The following METTL25 variants were observed in gnomAD, a reference collection of about 807,000 sequenced individuals.
METTL25 encodes the protein probable methyltransferase-like protein 25.
METTL25 carries 64 observed loss-of-function variants against 71.6 expected under a neutral mutation model. The observed-to-expected ratio is 0.89, with a 90% CI of 0.73 to 1.10. The LOEUF (loss-of-function observed/expected upper bound fraction) is 1.10, where lower values mean the gene tolerates loss of function less well. Ranked by LOEUF, METTL25 falls within the 50% of genes least tolerant of loss-of-function variation. The pLI, the probability that METTL25 is intolerant of heterozygous loss-of-function variation, is 0.00. For missense variants in METTL25, 807 were observed against 707.0 expected, an observed-to-expected ratio of 1.14 and a Z score of -1.60; for synonymous variants, 287 against 250.3, an observed-to-expected ratio of 1.15 and a Z score of -1.38.
intron 5 of METTL25, among the ~76,000 whole-genome samples, chr12:82,408,280 A>G (rs17775025): frequency 6.6e-6 from 1 of 152,246 alleles, no homozygotes; most frequent in African/African-American, 2.4e-5. Context: ...GTCAAGTGCC[A>G]GTTTGCGGAT....
chr12:82,390,797 A>G lies in METTL25; in HGVS notation c.531+875A>G, dbSNP rs567441210. Among the ~76,000 whole-genome samples, 19 of 152,208 alleles carry G rather than the reference A, an allele frequency of 1.2e-4. No homozygotes were observed. The South Asian group carries it at 3.9e-3, about 31-fold the overall frequency. ...TACCTAAGCAATATCTGTCAGTACCAGTAACAGCCTTATGGCAATGATACT... is the reference window on the plus strand; with the variant it reads ...TACCTAAGCAATATCTGTCAGTACCGGTAACAGCCTTATGGCAATGATACT... On this transcript the variant is annotated intron_variant, in intron 3 of 11. Transcript: ENST00000248306.
intron 3 of METTL25, among the ~76,000 whole-genome samples, chr12:82,397,910 A>G (rs1331401151): frequency 6.6e-6 from 1 of 151,976 alleles, no homozygotes; most frequent in Admixed American, 6.6e-5. Context: ...AGTCAGTAAA[A>G]TTCTTCAACC....
At chr12:82,451,650 C>G (rs1246768770) in intron 8 of METTL25, among the ~76,000 whole-genome samples, 1 of 152,138 alleles carries the variant, frequency 6.6e-6, no homozygotes, top group Admixed American at 6.6e-5. Flanking sequence ...TTTTGTGGAG[C>G]CCACTCTGAA....
chr12:82,474,742 C>T (rs1892784266), intron 9 of METTL25, among the ~76,000 whole-genome samples: 1 of 152,018 alleles, frequency 6.6e-6, no homozygotes, highest in Non-Finnish European at 1.5e-5. Context: ...CTTAAAACAA[C>T]AAACTTTTTT....
intron 1 of METTL25, 59 bp downstream of exon 1, chr12:82,358,883 A>C: frequency 1.3e-6 from 2 of 1,541,714 alleles, no homozygotes; most frequent in Non-Finnish European, 8.8e-7. Context: ...CCGGCAGACG[A>C]AGCGAGCCCC....
chr12:82,478,176 A>G (rs566991186), intron 11 of METTL25, among the ~76,000 whole-genome samples: 1 of 151,812 alleles, frequency 6.6e-6, no homozygotes, highest in Non-Finnish European at 1.5e-5. Flanking sequence ...TTCCTAAGTT[A>G]GTGGGTGATA....
intron 8 of METTL25, 194 bp downstream of exon 8, chr12:82,438,985 C>T (rs1890132598): frequency 8.2e-6 from 3 of 367,904 alleles, no homozygotes; most frequent in Non-Finnish European, 9.6e-6. Flanking sequence ...CTAATGATTC[C>T]TTCTTGTCCT....
intron 3 of METTL25, among the ~76,000 whole-genome samples, chr12:82,397,674 C>G (rs1281612413): frequency 3.3e-5 from 5 of 151,748 alleles, no homozygotes; most frequent in Non-Finnish European, 7.4e-5. Context: ...CCAGTTATAC[C>G]AGCACCATTT....
At chr12:82,429,642 A>G (rs994799581) in intron 5 of METTL25, among the ~76,000 whole-genome samples, 1 of 151,646 alleles carries the variant, frequency 6.6e-6, no homozygotes, top group Non-Finnish European at 1.5e-5. Flanking sequence ...GCTGTTTTTC[A>G]TATGGCTAGC....
rs1456481608 is a variant in METTL25, at chr12:82,389,770, T to C, written c.425-46T>C. On this transcript the variant is annotated intron_variant, in intron 2 of 11. Coordinates refer to ENST00000248306, the MANE Select transcript of METTL25 (RefSeq NM_032230.3). ...TGAACATCTAACTGATAATTCCTACTAAATTTTGATTCTTTAATAGCAGTT... is the reference window on the plus strand; with the variant it reads ...TGAACATCTAACTGATAATTCCTACCAAATTTTGATTCTTTAATAGCAGTT... 6 of 1,116,862 alleles carry C rather than the reference T, an allele frequency of 5.4e-6. No homozygotes were observed. In the Admixed American group the frequency reaches 7.4e-5, roughly 14 times the overall value. The allele number at this position is 1,116,862 out of a possible 1,614,324, so 69.2% of individuals were successfully genotyped here. A position where few individuals can be genotyped will look rare whatever the true frequency, so the allele number is the denominator to read the frequency against.
At chr12:82,377,487 A>G (rs1883993478) in intron 1 of METTL25, among the ~76,000 whole-genome samples, 1 of 152,210 alleles carries the variant, frequency 6.6e-6, no homozygotes, top group African/African-American at 2.4e-5. Context: ...TTAGTAATTA[A>G]AATTGTGAAG....
intron 5 of METTL25, among the ~76,000 whole-genome samples, chr12:82,422,260 C>T (rs1319415304): frequency 2.0e-5 from 3 of 152,220 alleles, no homozygotes; most frequent in East Asian, 1.9e-4. Flanking sequence ...AATCAATAAA[C>T]GTAATCCGGC....
intron 9 of METTL25, among the ~76,000 whole-genome samples, chr12:82,465,431 C>G (rs1892166470): frequency 6.6e-6 from 1 of 151,878 alleles, no homozygotes. Flanking sequence ...TTGAAGCAGC[C>G]ATGCATTCCT....
intron 6 of METTL25, among the ~76,000 whole-genome samples, chr12:82,432,090 A>C (rs1889547510): frequency 6.6e-6 from 1 of 151,728 alleles, no homozygotes; most frequent in Non-Finnish European, 1.5e-5. Flanking sequence ...AAAATATTTA[A>C]CAAAGTAAAA....
At chr12:82,402,118 G>A (rs1483604003) in intron 4 of METTL25, among the ~76,000 whole-genome samples, 3 of 151,822 alleles carry the variant, frequency 2.0e-5, no homozygotes, top group South Asian at 4.2e-4. Context: ...TTTAAATTAG[G>A]CTTTGGATAA....
intron 5 of METTL25, among the ~76,000 whole-genome samples, chr12:82,422,414 G>T (rs7963191): frequency 1 from 151,792 of 152,298 alleles, 75,646 homozygotes; most frequent in Middle Eastern, 1. Flanking sequence ...AATGAGCTAT[G>T]TATGACAAAC....
At chr12:82,425,380 G>A (rs1888930189) in intron 5 of METTL25, among the ~76,000 whole-genome samples, 1 of 152,034 alleles carries the variant, frequency 6.6e-6, no homozygotes, top group African/African-American at 2.4e-5. Flanking sequence ...GTGGGGAATG[G>A]CAAGAGAAAA....
chr12:82,376,973 C>T (rs527875598), intron 1 of METTL25, among the ~76,000 whole-genome samples: 11 of 152,088 alleles, frequency 7.2e-5, no homozygotes, highest in Non-Finnish European at 1.0e-4. Flanking sequence ...AATTAGCCGG[C>T]GTGGTGGCGG....
intron 9 of METTL25, chr12:82,468,694 A>G (rs1428563633): frequency 6.6e-6 from 1 of 152,136 alleles, no homozygotes; most frequent in Non-Finnish European, 1.5e-5. Context: ...TGTTAACGGG[A>G]ATTACGTACC....
Sources: allele counts gnomAD v4.1 joint callset (sites outside exome capture counted in the v4.1 genomes callset), GRCh38; gene constraint gnomAD v4.1.1; transcripts MANE v1.5; gene names NCBI Gene and HGNC (gene_info 2026-07-23, HGNC 2026-07-21).